The following EIF3K variants were observed in gnomAD, a reference collection of about 807,000 sequenced individuals.
EIF3K encodes eIF-3 p28.
A neutral mutation model predicts 34.2 loss-of-function variants in EIF3K; 27 were observed. The observed-to-expected ratio is 0.79, with a 90% CI of 0.58 to 1.09. EIF3K has a LOEUF of 1.09. Ranked by LOEUF, EIF3K falls within the 50% of genes least tolerant of loss-of-function variation. The pLI is 0.00. For synonymous variants in EIF3K, 105 were observed against 105.7 expected (o/e 0.99, Z 0.04); for missense variants, 232 against 275.4 (o/e 0.84, Z 1.11).
At chr19:38,627,080 G>A (rs1040525884) in intron 4 of EIF3K, among the ~76,000 whole-genome samples, 8 of 152,088 alleles carry the variant, frequency 5.3e-5, no homozygotes, top group Non-Finnish European at 1.0e-4. Flanking sequence ...GCCGCCTCCC[G>A]AGTTCAACTG....
chr19:38,636,292 G>T (rs373724210), intron 7 of EIF3K, among the ~76,000 whole-genome samples: 2 of 152,168 alleles, frequency 1.3e-5, no homozygotes, highest in East Asian at 3.9e-4. Context: ...CCTGCCGGGG[G>T]AGTAGACGGG....
At chr19:38,620,220 G>A (rs1975808959) in intron 1 of EIF3K, 117 bp from the exon 2 acceptor site, 1 of 772,434 alleles carries the variant, frequency 1.3e-6, no homozygotes, top group Non-Finnish European at 2.2e-6. Context: ...CAAGTGGCCA[G>A]TGCCAGATTT....
At chr19:38,631,898 A>G (rs1976075272) in intron 4 of EIF3K, 1 of 223,040 alleles carries the variant, frequency 4.5e-6, no homozygotes, top group Non-Finnish European at 8.6e-6. Flanking sequence ...AACAAAGCAC[A>G]TCCTGCACCG....
intron 2 of EIF3K, among the ~76,000 whole-genome samples, chr19:38,621,879 T>C (rs1355452012): frequency 1.3e-5 from 2 of 151,358 alleles, no homozygotes; most frequent in Non-Finnish European, 2.9e-5. Flanking sequence ...TGGCTCTTGA[T>C]GGACATTGTG....
rs200004532 is a variant in EIF3K at position 38,635,042 on chromosome 19, G to T, written c.549G>T (p.Glu183Asp). 4 of 1,614,088 alleles carry T rather than the reference G, an allele frequency of 2.5e-6. No individual in the cohort carries two copies. The highest frequency in any genetic ancestry group is 3.4e-6 in the Non-Finnish European group (4 of 1,180,054). Residue 183 changes from glutamate (E) to aspartate (D), a missense_variant, in exon 7 of 8, where the codon GAG becomes GAT. By Grantham distance (45) the Glu-to-Asp change is conservative. Coordinates refer to ENST00000248342, the MANE Select transcript of EIF3K (RefSeq NM_013234.4). The part of the protein sequence containing the change: ...WMSKYGWSAD[E>D]SGQIFICSQE... ...GCAAATACGGCTGGAGTGCCGACGA[G>T]TCGGGGCAGATCTTCATCTGTAGCC... is the stretch of plus-strand genomic sequence containing the variant.
intron 4 of EIF3K, chr19:38,626,395 C>T (rs962567262): frequency 1.6e-5 from 6 of 368,884 alleles, no homozygotes; most frequent in Admixed American, 1.2e-4. Flanking sequence ...GACTCACCCC[C>T]GTGATTCCAG....
intron 4 of EIF3K, among the ~76,000 whole-genome samples, chr19:38,629,342 C>T (rs183745928): frequency 6.2e-4 from 94 of 152,034 alleles, no homozygotes; most frequent in Admixed American, 4.9e-3. Context: ...TCGCCCAGGC[C>T]GCAGTGCAGT....
At position 38,634,090 on chromosome 19, in the gene EIF3K, CTTTTTTTTTT is replaced by C. The variant is rs757394196; in HGVS notation, c.500-885_500-876del. 4.0e-3 allele frequency among the ~76,000 whole-genome samples: 340 copies of C among 86,074 alleles called. 3 individuals carry two copies. Among genetic ancestry groups the C allele is most frequent in the African/African-American group, 0.016 (311 of 19,046 alleles). The allele number at this position is 86,074 out of a possible 152,430, so 56.5% of individuals were successfully genotyped here. On this transcript the variant is annotated intron_variant, in intron 6 of 7. Transcript: ENST00000248342. ...CTGCATCCAGCCAAGTAAAAGCTAA[CTTTTTTTTTT>C]TTTTTTTTTTTTTTTTTGAGGTGGA...
chr19:38,634,998 C>T lies in EIF3K; in HGVS notation c.505C>T (p.Gln169Ter). The change falls in exon 7 of 8, where the codon CAG (glutamine) becomes TAG (stop). Residue 169 changes from glutamine (Q) to a stop codon, truncating the protein, a stop_gained. Transcript: ENST00000248342. LOFTEE classifies it high-confidence loss of function. ...GCTGCCCCTGTCACCTGCAGACAGC[C>T]AGCTAAAGGTGTGGATGAGCAAATA... ...AEMLGDLSDS[Q>*]LKVWMSKYGW... The T allele has an allele frequency of 6.2e-7, 1 of 1,614,116 alleles. No homozygotes were observed. The highest frequency in any genetic ancestry group is 8.5e-7 in the Non-Finnish European group (1 of 1,180,040).
intron 4 of EIF3K, chr19:38,630,852 T>C (rs1211107709): frequency 6.6e-6 from 1 of 151,998 alleles, no homozygotes; most frequent in Non-Finnish European, 1.5e-5. Context: ...AATTTTGTAA[T>C]TTTAGTAGAG....
chr19:38,624,304 C>A, intron 3 of EIF3K, 107 bp downstream of exon 3: 1 of 1,523,824 alleles, frequency 6.6e-7, no homozygotes. Flanking sequence ...ACAACAAGTG[C>A]CTGCTCTGGT....
Position 38,632,920 on chromosome 19 carries a change from C to T in EIF3K, c.499+242C>T, listed in dbSNP as rs530028719. The T allele has an allele frequency of 7.3e-4, 331 of 453,376 alleles. 1 individual carries two copies. Among genetic ancestry groups the T allele is most frequent in the South Asian group, 1.4e-3 (31 of 22,258 alleles). 28.1% of individuals were successfully genotyped at this position (453,376 alleles called of 1,614,324 possible). A position where few individuals can be genotyped will look rare whatever the true frequency, so the allele number is the denominator to read the frequency against. On this transcript the variant is annotated intron_variant, in intron 6 of 7. Transcript: ENST00000248342. ...CCGTGTGTCAGTGTGCTAAACTGGGCGTGCAGCAGTAAACAAAGTGGGATG... is the reference window on the plus strand; with the variant it reads ...CCGTGTGTCAGTGTGCTAAACTGGGTGTGCAGCAGTAAACAAAGTGGGATG...
At chr19:38,626,639 A>C (rs1975957231) in intron 4 of EIF3K, among the ~76,000 whole-genome samples, 1 of 152,182 alleles carries the variant, frequency 6.6e-6, no homozygotes, top group Non-Finnish European at 1.5e-5. Flanking sequence ...CCCTGTCTCA[A>C]GAAAGAGAAA....
Position 38,620,351 on chromosome 19 carries a change from AC to A in EIF3K, c.76del (p.Leu26TrpfsTer8), listed in dbSNP as rs759361082. On this transcript the variant is annotated frameshift_variant, in exon 2 of 8. Transcript: ENST00000248342. LOFTEE classifies it high-confidence loss of function. Reference sequence around the variant, plus strand: ...TTCTCCTTTAGGTACAATCCTGAGAACCTGGCCACCCTGGAGCGCTATGTAG... The same window carrying A: ...TTCTCCTTTAGGTACAATCCTGAGAACTGGCCACCCTGGAGCGCTATGTAG... ...LKGIDRYNPE[N>X]LATLERYVET... 1 of 1,613,920 alleles carries A rather than the reference AC, an allele frequency of 6.2e-7. No individual in the cohort carries two copies. Among genetic ancestry groups the A allele is most frequent in the Non-Finnish European group, 8.5e-7 (1 of 1,179,972 alleles).
rs1435268460 is a variant in EIF3K, at chr19:38,634,997, C to A, written c.504C>A (p.Ser168Arg). The A allele has an allele frequency of 1.2e-6, 2 of 1,613,984 alleles. No homozygotes were observed. Among genetic ancestry groups the A allele is most frequent in the Non-Finnish European group, 1.7e-6 (2 of 1,180,044 alleles). The change falls in exon 7 of 8, where the codon AGC (serine) becomes AGA (arginine). Residue 168 changes from serine (S) to arginine (R), a missense_variant. By Grantham distance (110) the Ser-to-Arg change is moderately radical. Transcript: ENST00000248342. Reference protein sequence around the residue: ...LAEMLGDLSDSQLKVWMSKYG... With the variant: ...LAEMLGDLSDRQLKVWMSKYG... ...TGCTGCCCCTGTCACCTGCAGACAG[C>A]CAGCTAAAGGTGTGGATGAGCAAAT...
At chr19:38,621,041 A>G (rs1975828888) in intron 2 of EIF3K, among the ~76,000 whole-genome samples, 1 of 151,980 alleles carries the variant, frequency 6.6e-6, no homozygotes, top group South Asian at 2.1e-4. Context: ...ACCCTACGAA[A>G]AAATTTAAAA....
intron 7 of EIF3K, among the ~76,000 whole-genome samples, chr19:38,636,130 A>G (rs1599742347): frequency 1.3e-5 from 2 of 152,302 alleles, no homozygotes; most frequent in African/African-American, 4.8e-5. Flanking sequence ...AAGATTCTGT[A>G]GTGAGGAAAG....
At chr19:38,631,725 G>A (rs193280988) in intron 4 of EIF3K, among the ~76,000 whole-genome samples, 89 of 152,276 alleles carry the variant, frequency 5.8e-4, no homozygotes, top group African/African-American at 2.0e-3. Flanking sequence ...CCCTTCCCAC[G>A]AGGCCATATT....
At position 38,624,160 on chromosome 19, in the gene EIF3K, A is replaced by T; in HGVS notation, c.242A>T (p.Asp81Val). Residue 81 changes from aspartate (D) to valine (V), a missense_variant, in exon 3 of 8, where the codon GAC becomes GTC. Physicochemically the swap from Asp to Val is radical, Grantham distance 152. Coordinates refer to ENST00000248342, the MANE Select transcript of EIF3K (RefSeq NM_013234.4). ...LKALTNLPHT[D>V]FTLCKCMIDQ... is the part of the protein sequence containing the mutation. ...GCCCTCACCAACTTGCCGCACACAGACTTCACCCTGTGCAAGTGCATGATC... is the reference window on the plus strand; with the variant it reads ...GCCCTCACCAACTTGCCGCACACAGTCTTCACCCTGTGCAAGTGCATGATC... 6.2e-7 allele frequency: 1 copy of T among 1,614,164 alleles called. No individual in the cohort carries two copies. Among genetic ancestry groups the T allele is most frequent in the South Asian group, 1.1e-5 (1 of 91,086 alleles).
Sources: gnomAD v4.1 joint callset for allele counts (sites outside exome capture counted in the v4.1 genomes callset) on GRCh38, gnomAD v4.1.1 for gene constraint, MANE v1.5 for transcripts, NCBI Gene and HGNC (gene_info 2026-07-23, HGNC 2026-07-21) for gene names.